Variants in NAV2 observed in about 807,000 individuals in gnomAD.
NAV2 encodes the protein neuron navigator 2.
In NAV2, 54 loss-of-function variants were observed where a neutral mutation model predicts 223.2. The observed-to-expected ratio is 0.24, with a 90% CI of 0.19 to 0.30. NAV2 has a LOEUF of 0.30. NAV2 is among the 10% of genes least tolerant of loss of function. NAV2 has a pLI of 1.00. For missense variants in NAV2, 2,806 were observed against 3,147.5 expected (o/e 0.89, Z 2.60); for synonymous variants, 1,279 against 1,239.3 (o/e 1.03, Z -0.67).
In NAV2 at chr11:19,892,613, G is replaced by A. The variant is rs57575249; in HGVS notation, c.931+19G>A. On this transcript the variant is annotated intron_variant, in intron 6 of 37. Coordinates refer to ENST00000349880, the MANE Select transcript of NAV2 (RefSeq NM_145117.5). Reference sequence around the variant, plus strand: ...GAGAAAGGTGAGTCACCTTCTTGAGGAGCCTTTTTGGTATTTTCCTTCAGA... The same window carrying A: ...GAGAAAGGTGAGTCACCTTCTTGAGAAGCCTTTTTGGTATTTTCCTTCAGA... The A allele has an allele frequency of 4.5e-3, 7,298 of 1,611,172 alleles. 286 individuals carry two copies. In the African/African-American group the frequency reaches 0.084, roughly 18 times the overall value.
exon 1 of NAV2, chr11:19,350,972 C>T: frequency 1.3e-6 from 2 of 1,551,648 alleles, no homozygotes; most frequent in Non-Finnish European, 1.7e-6. Context: ...GTTTCTGAGT[C>T]CAGCCAACAG....
chr11:19,801,162 G>A (rs779026113), intron 1 of NAV2, among the ~76,000 whole-genome samples: 2 of 152,226 alleles, frequency 1.3e-5, no homozygotes, highest in Non-Finnish European at 2.9e-5. Flanking sequence ...TCAGGGATGT[G>A]GCAGCCAGAC....
At chr11:19,730,997 G>A (rs2051725512) in intron 1 of NAV2, among the ~76,000 whole-genome samples, 1 of 152,228 alleles carries the variant, frequency 6.6e-6, no homozygotes, top group Non-Finnish European at 1.5e-5. Flanking sequence ...TGTGGGTCAT[G>A]GGACACACTT....
At chr11:19,992,563 A>C (rs2051441357) in intron 11 of NAV2, among the ~76,000 whole-genome samples, 1 of 149,310 alleles carries the variant, frequency 6.7e-6, no homozygotes, top group African/African-American at 2.5e-5. Context: ...CAGAGAGAGT[A>C]TAATCATGCT....
chr11:19,811,440 AT>A (rs2058831069), intron 1 of NAV2, among the ~76,000 whole-genome samples: 5 of 152,242 alleles, frequency 3.3e-5, no homozygotes, highest in African/African-American at 1.2e-4. Flanking sequence ...GGTGACATTG[AT>A]TTACAAGTCA....
chr11:20,094,367 C>A (rs771406896), intron 29 of NAV2, among the ~76,000 whole-genome samples: 28 of 151,246 alleles, frequency 1.9e-4, no homozygotes, highest in Admixed American at 2.6e-4. Flanking sequence ...GTAGCTGGGA[C>A]TATAGGTACC....
At chr11:19,588,648 G>A (rs1452959258) in intron 1 of NAV2, among the ~76,000 whole-genome samples, 1 of 152,208 alleles carries the variant, frequency 6.6e-6, no homozygotes, top group Non-Finnish European at 1.5e-5. Context: ...GGGCCTAGAA[G>A]ATCACTGGAG....
intron 1 of NAV2, among the ~76,000 whole-genome samples, chr11:19,758,725 T>C (rs1265473265): frequency 1.3e-5 from 2 of 152,138 alleles, no homozygotes; most frequent in African/African-American, 4.8e-5. Context: ...TCAACTGACC[T>C]GGGGGATTGT....
At chr11:20,094,076 C>T (rs1392338023) in intron 29 of NAV2, among the ~76,000 whole-genome samples, 1 of 152,090 alleles carries the variant, frequency 6.6e-6, no homozygotes, top group Non-Finnish European at 1.5e-5. Context: ...GCTTGCTAGC[C>T]TCACTATAGG....
At chr11:19,750,811 G>A (rs2053741444) in intron 1 of NAV2, among the ~76,000 whole-genome samples, 1 of 152,192 alleles carries the variant, frequency 6.6e-6, no homozygotes, top group South Asian at 2.1e-4. Flanking sequence ...ATGCCACACA[G>A]GAATTCAGGA....
chr11:19,806,147 C>T (rs901825969), intron 1 of NAV2, among the ~76,000 whole-genome samples: 1 of 152,232 alleles, frequency 6.6e-6, no homozygotes, highest in Non-Finnish European at 1.5e-5. Context: ...CTTTCCCACA[C>T]TCTTATATGA....
intron 1 of NAV2, among the ~76,000 whole-genome samples, chr11:19,721,827 A>G (rs1269261427): frequency 6.6e-6 from 1 of 152,234 alleles, no homozygotes; most frequent in Non-Finnish European, 1.5e-5. Context: ...CTGAAATATT[A>G]GAAGGGAAGT....
intron 22 of NAV2, among the ~76,000 whole-genome samples, chr11:20,071,302 T>C (rs1401564999): frequency 1.3e-5 from 2 of 152,222 alleles, no homozygotes; most frequent in Non-Finnish European, 2.9e-5. Flanking sequence ...TCATCCTTTT[T>C]ATGGCTGCAT....
At chr11:20,056,000 TC>T in intron 19 of NAV2, 43 bp downstream of exon 19, 1 of 1,561,588 alleles carries the variant, frequency 6.4e-7, no homozygotes. Context: ...AACTTCCATC[TC>T]CCAGGTTACT....
At chr11:20,063,396 A>G (rs1283754381) in intron 20 of NAV2, among the ~76,000 whole-genome samples, 2 of 152,104 alleles carry the variant, frequency 1.3e-5, no homozygotes, top group East Asian at 1.9e-4. Context: ...TATTTTAGAC[A>G]GACTCTCGCT....
chr11:19,707,883 C>G (rs1435075086), upstream of NAV2, among the ~76,000 whole-genome samples: 2 of 152,208 alleles, frequency 1.3e-5, no homozygotes, highest in Non-Finnish European at 2.9e-5. Context: ...TATAATCTTA[C>G]AGGACCGCCA....
intron 30 of NAV2, among the ~76,000 whole-genome samples, chr11:20,097,114 C>G (rs1056808826): frequency 3.9e-5 from 6 of 152,190 alleles, no homozygotes; most frequent in Non-Finnish European, 2.9e-5. Flanking sequence ...TCTCAAAGAT[C>G]TAGAGCTGAT....
intron 1 of NAV2, among the ~76,000 whole-genome samples, chr11:19,358,390 G>T (rs1334731122): frequency 1.3e-5 from 2 of 152,128 alleles, no homozygotes; most frequent in African/African-American, 4.8e-5. Flanking sequence ...GGGAATTGGA[G>T]GTCATTTGGG....
At position 20,045,131 on chromosome 11, in the gene NAV2, G is replaced by C. The variant is rs750354520; in HGVS notation, c.3363G>C (p.Gly1121=). 1.8e-5 allele frequency: 29 copies of C among 1,614,042 alleles called. No individual in the cohort carries two copies. Among genetic ancestry groups the C allele is most frequent in the Non-Finnish European group, 2.5e-5 (29 of 1,180,020 alleles). ...CTACTGCCAATGCCAACAGCTTTGG[G>C]TTCAAGAAGCAGAGTGGTTCCGCCG... ...RTPTANANSF[G]FKKQSGSAAG... is the part of the protein sequence containing the mutation. Residue 1121 remains glycine, a synonymous_variant, in exon 14 of 38, where the codon GGG becomes GGC. Coordinates refer to ENST00000349880, the MANE Select transcript of NAV2 (RefSeq NM_145117.5).
Sources: allele counts gnomAD v4.1 joint callset (sites outside exome capture counted in the v4.1 genomes callset), GRCh38; gene constraint gnomAD v4.1.1; transcripts MANE v1.5; gene names NCBI Gene and HGNC (gene_info 2026-07-23, HGNC 2026-07-21).